Variants in HLCS observed in about 807,000 individuals in gnomAD.
HLCS encodes the protein holocarboxylase synthetase, also known as biotin--protein ligase.
A neutral mutation model predicts 75.0 loss-of-function variants in HLCS; 53 were observed. That is an observed-to-expected ratio of 0.71 (90% CI 0.57 to 0.89). The LOEUF (loss-of-function observed/expected upper bound fraction) is 0.89. HLCS is among the 40% of genes least tolerant of loss of function. HLCS has a pLI of 0.00. For missense variants in HLCS, 966 were observed against 1,074.0 expected (o/e 0.90, Z 1.41); for synonymous variants, 431 against 428.6 (o/e 1.01, Z -0.07).
chr21:36,853,330 G>A lies in HLCS; in HGVS notation c.1892+43530C>T, dbSNP rs554135090. Among the ~76,000 whole-genome samples, 4 of 152,290 alleles carry A rather than the reference G, an allele frequency of 2.6e-5. No individual in the cohort carries two copies. In the East Asian group the frequency reaches 7.7e-4, roughly 29 times the overall value. ...TTCTCCCATGTGACAAAGAAAGGGA[G>A]AGCACTCACCCTCCCTGGGTGTAAC... is the stretch of plus-strand genomic sequence containing the variant. On this transcript the variant is annotated intron_variant, in intron 6 of 10. Transcript: ENST00000674895.
chr21:36,948,728 CAAAAAAAAAA>C (rs58685577), intron 2 of HLCS, among the ~76,000 whole-genome samples: 10,767 of 56,102 alleles, frequency 0.19, 705 homozygotes, highest in Middle Eastern at 0.41. Context: ...GACCCTGTCT[CAAAAAAAAAA>C]AAAAAAAAAA....
intron 1 of HLCS, among the ~76,000 whole-genome samples, chr21:36,984,079 T>C (rs1201617539): frequency 1.3e-5 from 2 of 152,136 alleles, no homozygotes; most frequent in Non-Finnish European, 2.9e-5. Flanking sequence ...CCTCAAACGA[T>C]CTAACCACCT....
rs1367873545 is a variant in HLCS, at chr21:36,749,557, T to C, written c.*4689A>G. ...ATGGTAAGAGTCACAATTTGCAAATTTAGGACCGTGGGTCATGCAGCGAAG... is the reference window on the plus strand; with the variant it reads ...ATGGTAAGAGTCACAATTTGCAAATCTAGGACCGTGGGTCATGCAGCGAAG... On this transcript the variant is annotated 3_prime_UTR_variant, in exon 11 of 11. Coordinates refer to ENST00000674895, the MANE Select transcript of HLCS (RefSeq NM_001352514.2). 6.6e-6 allele frequency: 1 copy of C among 152,058 alleles called. No homozygotes were observed. Among genetic ancestry groups the C allele is most frequent in the Non-Finnish European group, 1.5e-5 (1 of 68,028 alleles). 9.4% of individuals were successfully genotyped at this position (152,058 alleles called of 1,614,324 possible). A position where few individuals can be genotyped will look rare whatever the true frequency, so the allele number is the denominator to read the frequency against.
intron 6 of HLCS, among the ~76,000 whole-genome samples, chr21:36,777,818 AG>A (rs1025670901): frequency 6.6e-6 from 1 of 152,168 alleles, no homozygotes; most frequent in Admixed American, 6.5e-5. Flanking sequence ...TTTGACCCAC[AG>A]GGTTATGTGG....
intron 6 of HLCS, among the ~76,000 whole-genome samples, chr21:36,805,279 T>TC (rs1249136066): frequency 6.6e-6 from 1 of 152,150 alleles, no homozygotes; most frequent in East Asian, 1.9e-4. Context: ...CCCTCACTAC[T>TC]CCATCAAGAG....
At chr21:36,973,609 T>C (rs1403443102) in intron 1 of HLCS, 1 of 152,218 alleles carries the variant, frequency 6.6e-6, no homozygotes, top group Non-Finnish European at 1.5e-5. Context: ...GTACCTGGCA[T>C]TCCTGACCAT....
rs77554063 is a variant in HLCS, at chr21:36,874,937, G to A, written c.1892+21923C>T. 4.5e-4 allele frequency among the ~76,000 whole-genome samples: 69 copies of A among 152,258 alleles called. 1 individual carries two copies. Among genetic ancestry groups the A allele is most frequent in the African/African-American group, 1.6e-3 (65 of 41,556 alleles). On this transcript the variant is annotated intron_variant, in intron 6 of 10. Transcript: ENST00000674895. ...TACTCGCACTCCCTGGCCTCTCCCCGCTCCCGGCACCCACTTCAGTGCAAA... is the reference window on the plus strand; with the variant it reads ...TACTCGCACTCCCTGGCCTCTCCCCACTCCCGGCACCCACTTCAGTGCAAA...
chr21:36,797,743 A>G (rs1350553087), intron 6 of HLCS, among the ~76,000 whole-genome samples: 2 of 152,254 alleles, frequency 1.3e-5, no homozygotes, highest in Non-Finnish European at 2.9e-5. Flanking sequence ...GTAGGATGCA[A>G]TGGTTTGCAA....
chr21:36,768,202 C>T (rs147134957), intron 6 of HLCS, among the ~76,000 whole-genome samples: 2 of 152,184 alleles, frequency 1.3e-5, no homozygotes, highest in African/African-American at 2.4e-5. Context: ...GATGAGGGGG[C>T]CTCTTTGATT....
chr21:36,897,476 G>A lies in HLCS; in HGVS notation c.1621-345C>T, dbSNP rs374129499. ...TTCTCCAGTCCTCCGTTCATTTTAC[G>A]GAAAACTTTTATCTTTTTGCCCCAC... is the stretch of plus-strand genomic sequence containing the variant. On this transcript the variant is annotated intron_variant, in intron 5 of 10. Coordinates refer to ENST00000674895, the MANE Select transcript of HLCS (RefSeq NM_001352514.2). 2.0e-4 allele frequency among the ~76,000 whole-genome samples: 30 copies of A among 152,176 alleles called. No homozygotes were observed. In the East Asian group the frequency reaches 4.1e-3, roughly 21 times the overall value.
chr21:36,924,048 G>A (rs1394811514), intron 5 of HLCS, among the ~76,000 whole-genome samples: 5 of 152,162 alleles, frequency 3.3e-5, no homozygotes, highest in Admixed American at 6.5e-5. Context: ...GCTATTCAAG[G>A]TGCACCTGGA....
chr21:36,879,377 A>C (rs1181453763), intron 6 of HLCS, among the ~76,000 whole-genome samples: 1 of 152,234 alleles, frequency 6.6e-6, no homozygotes, highest in East Asian at 1.9e-4. Flanking sequence ...AGATTGCTTA[A>C]ATAAATTATG....
intron 6 of HLCS, among the ~76,000 whole-genome samples, chr21:36,896,383 G>C (rs533790451): frequency 2.0e-5 from 3 of 152,292 alleles, no homozygotes; most frequent in South Asian, 4.1e-4. Context: ...GTATTGGATA[G>C]CAATGTACCA....
intron 6 of HLCS, among the ~76,000 whole-genome samples, chr21:36,853,996 G>T (rs2063102003): frequency 6.6e-6 from 1 of 152,140 alleles, no homozygotes; most frequent in Non-Finnish European, 1.5e-5. Flanking sequence ...CTATGGGGAA[G>T]AATGGAAATA....
At chr21:36,804,906 T>G (rs1219368079) in intron 6 of HLCS, among the ~76,000 whole-genome samples, 2 of 152,228 alleles carry the variant, frequency 1.3e-5, no homozygotes, top group African/African-American at 4.8e-5. Context: ...TCCAATTCTA[T>G]CAGCTGATAT....
intron 1 of HLCS, chr21:36,974,917 G>C (rs1157151470): frequency 6.6e-6 from 1 of 152,134 alleles, no homozygotes; most frequent in East Asian, 1.9e-4. Flanking sequence ...GCACATCCAA[G>C]TTCTCCGTCT....
intron 6 of HLCS, among the ~76,000 whole-genome samples, chr21:36,796,433 A>C (rs1231187110): frequency 1.3e-5 from 2 of 152,236 alleles, no homozygotes; most frequent in Non-Finnish European, 2.9e-5. Context: ...TAGTCTGATC[A>C]ATTTAATGAT....
intron 5 of HLCS, among the ~76,000 whole-genome samples, chr21:36,917,591 G>GT (rs1390261747): frequency 1.3e-5 from 2 of 152,198 alleles, no homozygotes; most frequent in African/African-American, 4.8e-5. Flanking sequence ...ATACCTGGCT[G>GT]TAAGGGCTAC....
At chr21:36,781,342 T>A (rs1380214837) in intron 6 of HLCS, among the ~76,000 whole-genome samples, 1 of 151,850 alleles carries the variant, frequency 6.6e-6, no homozygotes, top group Non-Finnish European at 1.5e-5. Context: ...GAACTGACCA[T>A]CTTTGTGATT....
Sources: allele counts gnomAD v4.1 joint callset (sites outside exome capture counted in the v4.1 genomes callset), GRCh38; gene constraint gnomAD v4.1.1; transcripts MANE v1.5; gene names NCBI Gene and HGNC (gene_info 2026-07-23, HGNC 2026-07-21).